Variants in R3HDM2 observed in about 807,000 individuals in gnomAD.
R3HDM2 encodes R3H domain-containing protein 2.
R3HDM2 carries 38 observed loss-of-function variants against 124.5 expected under a neutral mutation model. That is an observed-to-expected ratio of 0.31 (90% CI 0.24 to 0.40). The LOEUF (loss-of-function observed/expected upper bound fraction) is 0.40. Among genes scored for constraint, R3HDM2 ranks in the 10% least tolerant of loss-of-function variants. R3HDM2 has a pLI of 1.00. For synonymous variants in R3HDM2, 391 were observed against 448.0 expected, an observed-to-expected ratio of 0.87 and a Z score of 1.61; for missense variants, 869 against 1,236.9, an observed-to-expected ratio of 0.70 and a Z score of 4.46.
intron 2 of R3HDM2, among the ~76,000 whole-genome samples, chr12:57,384,271 G>A (rs1017730397): frequency 5.3e-5 from 8 of 151,338 alleles, no homozygotes; most frequent in African/African-American, 1.5e-4. Context: ...GGAGAATGGC[G>A]TGAACCCGGG....
chr12:57,413,429 A>T (rs916010632), intron 1 of R3HDM2, among the ~76,000 whole-genome samples: 134 of 120,418 alleles, frequency 1.1e-3, no homozygotes, highest in Non-Finnish European at 7.0e-4. Flanking sequence ...CCTTCTATTT[A>T]AAAAAAAAAA....
At chr12:57,336,647 A>G (rs1054149397) in intron 2 of R3HDM2, among the ~76,000 whole-genome samples, 12 of 152,092 alleles carry the variant, frequency 7.9e-5, no homozygotes, top group Admixed American at 3.3e-4. Flanking sequence ...AAAACAATAC[A>G]CACTGGGGTC....
chr12:57,343,037 A>G (rs1426524790), intron 2 of R3HDM2, among the ~76,000 whole-genome samples: 1 of 152,162 alleles, frequency 6.6e-6, no homozygotes, highest in East Asian at 1.9e-4. Context: ...ATGAAAAAGG[A>G]TGGTAATGGA....
In R3HDM2 at chr12:57,254,614, C is replaced by T; in HGVS notation, c.*159G>A. The T allele has an allele frequency of 1.5e-6, 1 of 647,160 alleles. No individual in the cohort carries two copies. Among genetic ancestry groups the T allele is most frequent in the Non-Finnish European group, 2.5e-6 (1 of 397,836 alleles). 40.1% of individuals were successfully genotyped at this position (647,160 alleles called of 1,614,324 possible). A position where few individuals can be genotyped will look rare whatever the true frequency, so the allele number is the denominator to read the frequency against. The stretch of plus-strand genomic sequence containing the variant: ...AGGGGAGCAAGAAGGAGTCCAATGC[C>T]AGTGTAGGTATCTGTGTTTCCATCT... On this transcript the variant is annotated 3_prime_UTR_variant, in exon 24 of 24. Coordinates refer to ENST00000402412, the MANE Select transcript of R3HDM2 (RefSeq NM_001394031.1).
intron 1 of R3HDM2, among the ~76,000 whole-genome samples, chr12:57,415,072 A>G (rs1176698573): frequency 6.6e-6 from 1 of 152,168 alleles, no homozygotes; most frequent in East Asian, 1.9e-4. Context: ...GCCCCTTCGA[A>G]TCAAATTTAA....
At chr12:57,397,680 G>A (rs899591331) in intron 1 of R3HDM2, among the ~76,000 whole-genome samples, 49 of 151,968 alleles carry the variant, frequency 3.2e-4, no homozygotes, top group African/African-American at 1.1e-3. Context: ...GTAATACCTT[G>A]TTCCCCCCTA....
Position 57,407,912 on chromosome 12 carries a change from C to T in R3HDM2, c.-105-12094G>A, listed in dbSNP as rs192526416. Among the ~76,000 whole-genome samples the T allele has an allele frequency of 5.9e-5, 9 of 151,828 alleles. No homozygotes were observed. In the East Asian group the frequency reaches 7.8e-4, roughly 13 times the overall value. On this transcript the variant is annotated intron_variant, in intron 1 of 23. Coordinates refer to ENST00000402412, the MANE Select transcript of R3HDM2 (RefSeq NM_001394031.1). Reference sequence around the variant, plus strand: ...CCCACATAGCTGGGGACTACAGGTGCGTGCCACCACATCCAGCTAATTTTT... The same window carrying T: ...CCCACATAGCTGGGGACTACAGGTGTGTGCCACCACATCCAGCTAATTTTT...
In R3HDM2 at chr12:57,268,379, C is replaced by T. The variant is rs375131695; in HGVS notation, c.1954G>A (p.Val652Met). The T allele has an allele frequency of 8.1e-6, 13 of 1,614,018 alleles. No homozygotes were observed. The highest frequency in any genetic ancestry group is 6.7e-5 in the African/African-American group (5 of 74,912). Residue 652 changes from valine to methionine, a missense_variant, in exon 18 of 24, where the codon GTG becomes ATG. Physicochemically the swap from Val to Met is conservative, Grantham distance 21. Coordinates refer to ENST00000402412, the MANE Select transcript of R3HDM2 (RefSeq NM_001394031.1). ...QPMLVPVSQS[V>M]QGGLPAAGVP... ...CCCGCTGCTGGGAGGCCTCCTTGCA[C>T]AGACTGGCTCACAGGGACCAGCATG...
At chr12:57,395,129 G>A (rs1203822653) in intron 2 of R3HDM2, among the ~76,000 whole-genome samples, 1 of 151,912 alleles carries the variant, frequency 6.6e-6, no homozygotes. Flanking sequence ...AGAATCATTT[G>A]AACTCAGGAG....
At chr12:57,401,842 G>A (rs1256227412) in intron 1 of R3HDM2, among the ~76,000 whole-genome samples, 2 of 151,126 alleles carry the variant, frequency 1.3e-5, no homozygotes, top group African/African-American at 4.9e-5. Flanking sequence ...AAAATTAGCT[G>A]GGTGTGGTGG....
chr12:57,430,619 C>A (rs1324091164), intron 1 of R3HDM2, 101 bp downstream of exon 1: 7 of 984,310 alleles, frequency 7.1e-6, no homozygotes, highest in Non-Finnish European at 8.4e-6. Flanking sequence ...CGCGAGGAAC[C>A]CAGGCCGCGG....
intron 1 of R3HDM2, among the ~76,000 whole-genome samples, chr12:57,421,859 G>A (rs913276521): frequency 6.6e-6 from 1 of 152,038 alleles, no homozygotes; most frequent in African/African-American, 2.4e-5. Context: ...CACTCTGGGA[G>A]GCCAAGGGGG....
chr12:57,370,404 G>GT (rs2063188287), intron 2 of R3HDM2, among the ~76,000 whole-genome samples: 1 of 134,168 alleles, frequency 7.5e-6, no homozygotes, highest in Non-Finnish European at 1.6e-5. Flanking sequence ...GCCCGGGGGG[G>GT]GGGGGCGGGG....
chr12:57,312,046 T>A (rs1337471579), intron 2 of R3HDM2, among the ~76,000 whole-genome samples: 1 of 152,222 alleles, frequency 6.6e-6, no homozygotes, highest in Non-Finnish European at 1.5e-5. Flanking sequence ...TGACTGTACT[T>A]CAACCCTGAA....
At chr12:57,350,338 T>G (rs1411924347) in intron 2 of R3HDM2, among the ~76,000 whole-genome samples, 1 of 152,108 alleles carries the variant, frequency 6.6e-6, no homozygotes, top group Non-Finnish European at 1.5e-5. Context: ...TCATGGAAGT[T>G]AAACTATTCT....
chr12:57,376,767 T>C (rs914294372), intron 2 of R3HDM2, among the ~76,000 whole-genome samples: 1 of 151,806 alleles, frequency 6.6e-6, no homozygotes, highest in Admixed American at 6.6e-5. Flanking sequence ...CTGGCCAACA[T>C]GACGAAGTCC....
chr12:57,324,331 G>T (rs540561860), intron 2 of R3HDM2, among the ~76,000 whole-genome samples: 1 of 152,140 alleles, frequency 6.6e-6, no homozygotes, highest in East Asian at 1.9e-4. Flanking sequence ...TTACAGGTGT[G>T]CACCACCACA....
chr12:57,364,146 T>G (rs1387592754), intron 2 of R3HDM2, among the ~76,000 whole-genome samples: 1 of 32,418 alleles, frequency 3.1e-5, no homozygotes, highest in Non-Finnish European at 6.6e-5. Flanking sequence ...TCGGTGTCTT[T>G]TTTTTTTTTT....
intron 10 of R3HDM2, 97 bp from the exon 11 acceptor site, chr12:57,292,764 G>T: frequency 3.9e-6 from 3 of 774,160 alleles, no homozygotes; most frequent in Admixed American, 2.8e-5. Context: ...GTTTATAGTT[G>T]CCATCAAAAA....
Sources: allele counts gnomAD v4.1 joint callset (sites outside exome capture counted in the v4.1 genomes callset), GRCh38; gene constraint gnomAD v4.1.1; transcripts MANE v1.5; gene names NCBI Gene and HGNC (gene_info 2026-07-23, HGNC 2026-07-21).